FAM237A: variants seen among roughly 807,000 people sequenced by gnomAD.
The protein encoded by FAM237A is protein FAM237A.
Under a neutral mutation model 12.5 loss-of-function variants are expected in FAM237A, and 14 were observed. That is an observed-to-expected ratio of 1.12 (90% CI 0.74 to 1.75). The LOEUF (loss-of-function observed/expected upper bound fraction) is 1.75, where lower values mean the gene tolerates loss of function less well. FAM237A is among the 40% of genes most tolerant of loss of function. The pLI is 0.00. For synonymous variants in FAM237A, 85 were observed against 77.5 expected (o/e 1.10, Z -0.51); for missense variants, 240 against 211.7 (o/e 1.13, Z -0.83).
At position 206,648,806 on chromosome 2, in the gene FAM237A, A is replaced by G; in HGVS notation, c.*12A>G. On this transcript the variant is annotated 3_prime_UTR_variant, in exon 3 of 3. Coordinates refer to ENST00000441223, the MANE Select transcript of FAM237A (RefSeq NM_001102659.3). ...TAAAGAGAAAATAAATTGAACTCGGAGCTAATTCATGCCTTGGAATTAAAT... is the reference window on the plus strand; with the variant it reads ...TAAAGAGAAAATAAATTGAACTCGGGGCTAATTCATGCCTTGGAATTAAAT... 1 of 1,520,026 alleles carries G rather than the reference A, an allele frequency of 6.6e-7. No individual in the cohort carries two copies. Among genetic ancestry groups the G allele is most frequent in the Non-Finnish European group, 8.8e-7 (1 of 1,133,208 alleles). 94.2% of individuals were successfully genotyped at this position (1,520,026 alleles called of 1,614,324 possible).
chr2:206,644,718 G>T, intron 2 of FAM237A, 70 bp downstream of exon 2: 1 of 1,405,538 alleles, frequency 7.1e-7, no homozygotes, highest in South Asian at 1.5e-5. Context: ...TTGTGAGGAA[G>T]AGGGAAATGG....
chr2:206,647,992 A>G (rs1247901840), intron 2 of FAM237A, among the ~76,000 whole-genome samples: 1 of 152,212 alleles, frequency 6.6e-6, no homozygotes, highest in Non-Finnish European at 1.5e-5. Flanking sequence ...TAGCTGGCCA[A>G]TGCTCATAGT....
chr2:206,643,451 T>A (rs1699278596), intron 1 of FAM237A: 1 of 152,256 alleles, frequency 6.6e-6, no homozygotes, highest in East Asian at 1.9e-4. Context: ...CAAAGTGGTA[T>A]GTAGATGACT....
chr2:206,648,859 T>C lies in FAM237A; in HGVS notation c.*65T>C, dbSNP rs778049760. On this transcript the variant is annotated 3_prime_UTR_variant, in exon 3 of 3. Transcript: ENST00000441223. ...ACATATATATAACATTTTTCTTAACTATTGATTATTTATTTATTTTAAATG... is the reference window on the plus strand; with the variant it reads ...ACATATATATAACATTTTTCTTAACCATTGATTATTTATTTATTTTAAATG... 5 of 1,214,294 alleles carry C rather than the reference T, an allele frequency of 4.1e-6. No homozygotes were observed. The highest frequency in any genetic ancestry group is 4.3e-6 in the Non-Finnish European group (4 of 923,620). The allele number at this position is 1,214,294 out of a possible 1,614,324, so 75.2% of individuals were successfully genotyped here. A position where few individuals can be genotyped will look rare whatever the true frequency, so the allele number is the denominator to read the frequency against.
At chr2:206,647,331 G>C (rs993620050) in intron 2 of FAM237A, among the ~76,000 whole-genome samples, 3 of 152,148 alleles carry the variant, frequency 2.0e-5, no homozygotes, top group African/African-American at 7.2e-5. Flanking sequence ...GAAGAACCTG[G>C]AAGAGCTTCA....
At chr2:206,643,070 T>C (rs1699274009) in intron 1 of FAM237A, among the ~76,000 whole-genome samples, 1 of 152,214 alleles carries the variant, frequency 6.6e-6, no homozygotes, top group Non-Finnish European at 1.5e-5. Flanking sequence ...CAAAGACACT[T>C]TCTGAAATAT....
At chr2:206,643,720 C>T (rs1032386872) in intron 1 of FAM237A, among the ~76,000 whole-genome samples, 1 of 152,018 alleles carries the variant, frequency 6.6e-6, no homozygotes, top group Non-Finnish European at 1.5e-5. Flanking sequence ...GTTAATTTTA[C>T]TATAACATTT....
chr2:206,646,160 G>A (rs1050603574), intron 2 of FAM237A, among the ~76,000 whole-genome samples: 7 of 152,000 alleles, frequency 4.6e-5, no homozygotes, highest in Non-Finnish European at 8.8e-5. Flanking sequence ...AAAATTAGCC[G>A]GATGTGGTGG....
At chr2:206,643,569 A>T (rs898276454) in intron 1 of FAM237A, 1 of 152,178 alleles carries the variant, frequency 6.6e-6, no homozygotes, top group Admixed American at 6.5e-5. Context: ...ATTATAAAAC[A>T]TTATCTTTAT....
intron 1 of FAM237A, among the ~76,000 whole-genome samples, chr2:206,643,878 C>A (rs1032336095): frequency 1.3e-5 from 2 of 152,168 alleles, no homozygotes; most frequent in African/African-American, 4.8e-5. Flanking sequence ...ATAGTTAAAG[C>A]CATGCAGCAA....
At chr2:206,644,717 A>C in intron 2 of FAM237A, 69 bp downstream of exon 2, 1 of 1,416,720 alleles carries the variant, frequency 7.1e-7, no homozygotes, top group Middle Eastern at 2.3e-4. Context: ...ATTGTGAGGA[A>C]GAGGGAAATG....
At chr2:206,646,685 C>T (rs1006111889) in intron 2 of FAM237A, among the ~76,000 whole-genome samples, 4 of 152,140 alleles carry the variant, frequency 2.6e-5, no homozygotes, top group African/African-American at 4.8e-5. Context: ...GTTTGTATAA[C>T]CACAGTCAAA....
At chr2:206,645,039 C>G (rs895273160) in intron 2 of FAM237A, among the ~76,000 whole-genome samples, 1 of 152,220 alleles carries the variant, frequency 6.6e-6, no homozygotes, top group African/African-American at 2.4e-5. Context: ...ATTGAGAAGA[C>G]TTGAATATAA....
chr2:206,643,453 T>A (rs1371076282), intron 1 of FAM237A: 1 of 152,178 alleles, frequency 6.6e-6, no homozygotes, highest in African/African-American at 2.4e-5. Context: ...AAGTGGTATG[T>A]AGATGACTCA....
chr2:206,643,527 A>G (rs1699279626), intron 1 of FAM237A: 1 of 152,188 alleles, frequency 6.6e-6, no homozygotes, highest in Non-Finnish European at 1.5e-5. Context: ...TTTAAAAAAA[A>G]AATCCTTGAG....
At chr2:206,647,140 C>CA (rs561297018) in intron 2 of FAM237A, among the ~76,000 whole-genome samples, 3 of 151,892 alleles carry the variant, frequency 2.0e-5, no homozygotes, top group African/African-American at 7.2e-5. Context: ...AATATGAAAA[C>CA]AAAAAAATAT....
intron 2 of FAM237A, among the ~76,000 whole-genome samples, chr2:206,645,622 A>G (rs989178775): frequency 6.6e-6 from 1 of 152,226 alleles, no homozygotes; most frequent in Admixed American, 6.5e-5. Context: ...ATAGCAATTA[A>G]CAGTGGTAGT....
chr2:206,644,749 A>T, intron 2 of FAM237A, 101 bp downstream of exon 2: 1 of 1,175,864 alleles, frequency 8.5e-7, no homozygotes, highest in Admixed American at 3.0e-5. Flanking sequence ...ATCCAGTGTC[A>T]TATATATTCC....
chr2:206,643,658 T>C (rs745850098), intron 1 of FAM237A, among the ~76,000 whole-genome samples: 1 of 152,246 alleles, frequency 6.6e-6, no homozygotes, highest in Non-Finnish European at 1.5e-5. Flanking sequence ...GTTGAATATA[T>C]GTCTCTTTGT....
Sources: gnomAD v4.1 joint callset for allele counts (sites outside exome capture counted in the v4.1 genomes callset) on GRCh38, gnomAD v4.1.1 for gene constraint, MANE v1.5 for transcripts, NCBI Gene and HGNC (gene_info 2026-07-23, HGNC 2026-07-21) for gene names.